PRKCZ: variants seen among roughly 807,000 people sequenced by gnomAD.
PRKCZ encodes protein kinase C zeta, also known as protein kinase C zeta type.
A neutral mutation model predicts 79.5 loss-of-function variants in PRKCZ; 33 were observed. The observed-to-expected ratio is 0.41, with a 90% confidence interval of 0.31 to 0.55. The LOEUF is 0.55. Ranked by LOEUF, PRKCZ falls within the 20% of genes least tolerant of loss-of-function variation. The pLI is 0.19. For missense variants in PRKCZ, 578 were observed against 813.5 expected, an observed-to-expected ratio of 0.71 and a Z score of 3.52; for synonymous variants, 342 against 320.9, an observed-to-expected ratio of 1.07 and a Z score of -0.70.
chr1:2,077,474 G>A (rs1051177995), intron 4 of PRKCZ, among the ~76,000 whole-genome samples: 3 of 152,198 alleles, frequency 2.0e-5, no homozygotes, highest in Non-Finnish European at 4.4e-5. Flanking sequence ...ATCCCGTGAG[G>A]CTGTGTCAAG....
At chr1:2,157,749 T>C (rs1681369899) in intron 10 of PRKCZ, among the ~76,000 whole-genome samples, 1 of 151,108 alleles carries the variant, frequency 6.6e-6, no homozygotes, top group African/African-American at 2.4e-5. Flanking sequence ...GATAGGGTCT[T>C]GCTCTGTCGC....
intron 4 of PRKCZ, among the ~76,000 whole-genome samples, chr1:2,078,619 C>G (rs1343645526): frequency 6.6e-6 from 1 of 152,162 alleles, no homozygotes; most frequent in Non-Finnish European, 1.5e-5. Flanking sequence ...AGTTATTTAT[C>G]ACATGGCCGA....
intron 4 of PRKCZ, among the ~76,000 whole-genome samples, chr1:2,096,729 C>T (rs1258035104): frequency 6.6e-6 from 1 of 152,088 alleles, no homozygotes. Context: ...CTGGGTTGCT[C>T]GTTCAACTCA....
In PRKCZ at chr1:2,172,499, A is replaced by G. The variant is rs1684625840; in HGVS notation, c.1285+111A>G. 8.4e-7 allele frequency: 1 copy of G among 1,190,012 alleles called. No individual in the cohort carries two copies. Among genetic ancestry groups the G allele is most frequent in the Non-Finnish European group, 1.2e-6 (1 of 864,896 alleles). 73.7% of individuals were successfully genotyped at this position (1,190,012 alleles called of 1,614,324 possible). A position where few individuals can be genotyped will look rare whatever the true frequency, so the allele number is the denominator to read the frequency against. Reference sequence around the variant, plus strand: ...CTTGACCATCTTACACCCAAAAGCCACACACTGTCTTTCCCAGCCGGATGT... The same window carrying G: ...CTTGACCATCTTACACCCAAAAGCCGCACACTGTCTTTCCCAGCCGGATGT... On this transcript the variant is annotated intron_variant, in intron 13 of 17. Coordinates refer to ENST00000378567, the MANE Select transcript of PRKCZ (RefSeq NM_002744.6). The surrounding 1 kb of genome is among the most constrained non-coding windows in gnomAD (Gnocchi z 7.8).
At chr1:2,152,377 A>G (rs1328236817) in intron 9 of PRKCZ, among the ~76,000 whole-genome samples, 1 of 152,070 alleles carries the variant, frequency 6.6e-6, no homozygotes, top group Admixed American at 6.6e-5. Context: ...TACTAAAAAT[A>G]CAAAAATTAG....
intron 1 of PRKCZ, among the ~76,000 whole-genome samples, chr1:2,051,257 C>T (rs1459463989): frequency 6.6e-6 from 1 of 152,174 alleles, no homozygotes; most frequent in East Asian, 1.9e-4. Context: ...TGCGTCGCAC[C>T]CGCCCCCCGG....
At chr1:2,179,624 CT>C (rs1382641552) in intron 16 of PRKCZ, among the ~76,000 whole-genome samples, 1 of 152,238 alleles carries the variant, frequency 6.6e-6, no homozygotes, top group African/African-American at 2.4e-5. Context: ...TCATCTCCCC[CT>C]GGATGGAAAC....
chr1:2,110,060 A>G (rs911852449), intron 4 of PRKCZ, among the ~76,000 whole-genome samples: 2 of 150,974 alleles, frequency 1.3e-5, no homozygotes, highest in Non-Finnish European at 3.0e-5. Context: ...CCTAAAACCA[A>G]TGGGTCCCAA....
intron 4 of PRKCZ, among the ~76,000 whole-genome samples, chr1:2,103,422 G>A (rs1175029141): frequency 6.6e-6 from 1 of 150,880 alleles, no homozygotes; most frequent in African/African-American, 2.5e-5. Flanking sequence ...TGGTTCATCA[G>A]CAGCTGGCAC....
At chr1:2,163,385 G>C (rs1682695233) in intron 10 of PRKCZ, among the ~76,000 whole-genome samples, 1 of 152,220 alleles carries the variant, frequency 6.6e-6, no homozygotes, top group Non-Finnish European at 1.5e-5. Context: ...GACCCTCCCA[G>C]TTCCTGGGCC....
chr1:2,054,183 C>T (rs767237276), intron 1 of PRKCZ, among the ~76,000 whole-genome samples: 4 of 152,204 alleles, frequency 2.6e-5, no homozygotes, highest in South Asian at 2.1e-4. Flanking sequence ...GCAGTGTCAG[C>T]GAAGAGCAGA....
At chr1:2,119,876 T>G (rs1671515048) in intron 4 of PRKCZ, among the ~76,000 whole-genome samples, 1 of 150,184 alleles carries the variant, frequency 6.7e-6, no homozygotes, top group African/African-American at 2.5e-5. Flanking sequence ...AGCCTCCACC[T>G]CCCAGGTTCA....
chr1:2,115,026 C>T (rs1670473393), intron 4 of PRKCZ, among the ~76,000 whole-genome samples: 1 of 152,286 alleles, frequency 6.6e-6, no homozygotes, highest in Non-Finnish European at 1.5e-5. Flanking sequence ...AGCTTGTCCT[C>T]TGGACGCGGG....
intron 10 of PRKCZ, among the ~76,000 whole-genome samples, chr1:2,162,362 C>G (rs1407240225): frequency 1.3e-5 from 2 of 152,228 alleles, no homozygotes; most frequent in Admixed American, 1.3e-4. Flanking sequence ...AAACTCCCAA[C>G]CTCAAGTGAT....
chr1:2,175,189 G>A (rs763881929), intron 15 of PRKCZ, 35 bp from the exon 16 acceptor site: 27 of 1,589,114 alleles, frequency 1.7e-5, no homozygotes, highest in Admixed American at 1.3e-4. Context: ...TCCGGGATGG[G>A]GCTGACTTGT....
At chr1:2,146,684 T>A (rs774088939) in intron 7 of PRKCZ, among the ~76,000 whole-genome samples, 27 of 152,134 alleles carry the variant, frequency 1.8e-4, no homozygotes, top group Non-Finnish European at 2.9e-5. Flanking sequence ...TGCACGGGGG[T>A]GTGAGAGCCT....
At chr1:2,104,665 G>A in intron 4 of PRKCZ, 1 of 984,888 alleles carries the variant, frequency 1.0e-6, no homozygotes, top group Non-Finnish European at 1.2e-6. Context: ...CAGTGTGGGT[G>A]GGGACTGGGA....
At chr1:2,130,212 T>C (rs1674694551) in intron 4 of PRKCZ, among the ~76,000 whole-genome samples, 1 of 152,094 alleles carries the variant, frequency 6.6e-6, no homozygotes. Context: ...GGCCAAAAGG[T>C]GTATTTGTTA....
intron 4 of PRKCZ, chr1:2,073,522 C>A: frequency 1.4e-6 from 1 of 698,490 alleles, no homozygotes; most frequent in Non-Finnish European, 1.8e-6. Context: ...GTCGCATTTT[C>A]AAGGTCCGCT....
Sources: allele counts gnomAD v4.1 joint callset (sites outside exome capture counted in the v4.1 genomes callset), GRCh38; gene constraint gnomAD v4.1.1; non-coding constraint Gnocchi (gnomAD v3.1); transcripts MANE v1.5; gene names NCBI Gene and HGNC (gene_info 2026-07-23, HGNC 2026-07-21).